Variants in PRELID2 observed in about 807,000 individuals in gnomAD.
PRELID2 encodes the protein PRELI domain-containing protein 2.
Under a neutral mutation model 28.4 loss-of-function variants are expected in PRELID2, and 25 were observed. That is an observed-to-expected ratio of 0.88 (90% CI 0.64 to 1.23). PRELID2 has a LOEUF of 1.23. Among genes scored for constraint, PRELID2 ranks in the 50% most tolerant of loss-of-function variants. The probability of loss-of-function intolerance (pLI) is 0.00; values close to 1 mark genes in which losing one functional copy is unlikely to be tolerated. For synonymous variants in PRELID2, 76 were observed against 71.6 expected, an observed-to-expected ratio of 1.06 and a Z score of -0.31; for missense variants, 201 against 214.4, an observed-to-expected ratio of 0.94 and a Z score of 0.39.
At chr5:145,525,081 AT>A (rs1177079371) in intron 1 of PRELID2, among the ~76,000 whole-genome samples, 2 of 152,204 alleles carry the variant, frequency 1.3e-5, no homozygotes, top group Non-Finnish European at 2.9e-5. Flanking sequence ...ATTCTATGCC[AT>A]TGGGCTGTGT....
chr5:145,807,550 G>A (rs976933996), intron 4 of PRELID2, among the ~76,000 whole-genome samples: 2 of 151,738 alleles, frequency 1.3e-5, no homozygotes, highest in Non-Finnish European at 2.9e-5. Flanking sequence ...CAGAGTCAAA[G>A]AGCACATAAA....
At chr5:145,728,557 C>T (rs1756243101) in intron 1 of PRELID2, 3 of 823,344 alleles carry the variant, frequency 3.6e-6, no homozygotes, top group Non-Finnish European at 6.3e-6. Flanking sequence ...TCCTCAATTT[C>T]CTGGAATGAA....
chr5:145,449,270 A>C, the PRELID2 span, among the ~76,000 whole-genome samples: 1 of 152,112 alleles, frequency 6.6e-6, no homozygotes, highest in Non-Finnish European at 1.5e-5. Context: ...CTCAGGTCAT[A>C]AACGGACTTA....
At chr5:145,675,261 A>AATGT (rs1754791215) in intron 1 of PRELID2, among the ~76,000 whole-genome samples, 1 of 152,196 alleles carries the variant, frequency 6.6e-6, no homozygotes, top group Non-Finnish European at 1.5e-5. Context: ...ACCAAAAAGT[A>AATGT]ATGTAAATGG....
intron 4 of PRELID2, among the ~76,000 whole-genome samples, chr5:145,813,998 G>A (rs1398371760): frequency 6.6e-6 from 1 of 152,124 alleles, no homozygotes; most frequent in South Asian, 2.1e-4. Flanking sequence ...TTTCAATGAG[G>A]AACAGACCAA....
intron 5 of PRELID2, among the ~76,000 whole-genome samples, chr5:145,772,489 G>C (rs1479845712): frequency 6.6e-6 from 1 of 152,242 alleles, no homozygotes; most frequent in African/African-American, 2.4e-5. Flanking sequence ...GGAAGTCTAA[G>C]ATTGAGGGAG....
chr5:145,596,120 G>A (rs978280609), intron 1 of PRELID2, among the ~76,000 whole-genome samples: 79 of 116,556 alleles, frequency 6.8e-4, no homozygotes, highest in African/African-American at 1.5e-3. Flanking sequence ...AAAAAAAAAA[G>A]TCTGTTTAGG....
chr5:145,305,863 C>T, the PRELID2 span, among the ~76,000 whole-genome samples: 1 of 152,206 alleles, frequency 6.6e-6, no homozygotes, highest in Non-Finnish European at 1.5e-5. Flanking sequence ...CCCCACATCT[C>T]TTACCCTGTG....
intron 1 of PRELID2, among the ~76,000 whole-genome samples, chr5:145,729,514 T>G (rs558955133): frequency 2.0e-5 from 3 of 151,948 alleles, no homozygotes; most frequent in Non-Finnish European, 2.9e-5. Flanking sequence ...CCTCTGGGTC[T>G]TACACCCCAT....
intron 1 of PRELID2, among the ~76,000 whole-genome samples, chr5:145,590,378 A>G (rs923053887): frequency 6.6e-6 from 1 of 152,144 alleles, no homozygotes; most frequent in African/African-American, 2.4e-5. Flanking sequence ...ATTTATTACA[A>G]TCTAACATTT....
At chr5:145,459,903 G>A in the PRELID2 span, among the ~76,000 whole-genome samples, 33 of 150,988 alleles carry the variant, frequency 2.2e-4, no homozygotes, top group African/African-American at 5.1e-4. Flanking sequence ...TCCAACTCCC[G>A]GGTTCAAGCA....
At chr5:145,377,034 T>C in the PRELID2 span, among the ~76,000 whole-genome samples, 1 of 152,168 alleles carries the variant, frequency 6.6e-6, no homozygotes, top group African/African-American at 2.4e-5. Flanking sequence ...GTGCTATAAA[T>C]TTCCCTCTTA....
chr5:145,458,119 T>G, the PRELID2 span, among the ~76,000 whole-genome samples: 1 of 152,210 alleles, frequency 6.6e-6, no homozygotes, highest in Non-Finnish European at 1.5e-5. Flanking sequence ...CAATTATGCA[T>G]TAGTTCAAAG....
At chr5:145,801,212 G>A (rs1753118857) in intron 4 of PRELID2, among the ~76,000 whole-genome samples, 1 of 152,142 alleles carries the variant, frequency 6.6e-6, no homozygotes. Context: ...AATAAATAAA[G>A]CATTTTATAA....
At chr5:145,229,506 G>T in the PRELID2 span, 1 of 1,209,114 alleles carries the variant, frequency 8.3e-7, no homozygotes, top group South Asian at 1.2e-5. Flanking sequence ...TTCAAAAAAG[G>T]AGTCCCCGTG....
intron 5 of PRELID2, among the ~76,000 whole-genome samples, chr5:145,777,271 T>C (rs1758469457): frequency 6.6e-6 from 1 of 152,196 alleles, no homozygotes; most frequent in Non-Finnish European, 1.5e-5. Context: ...AGTTCAATTG[T>C]AGCTCACTGA....
At chr5:145,560,532 T>C (rs1319671986) in intron 1 of PRELID2, among the ~76,000 whole-genome samples, 1 of 152,186 alleles carries the variant, frequency 6.6e-6, no homozygotes, top group Non-Finnish European at 1.5e-5. Flanking sequence ...CTGAGAGGCT[T>C]TTAACAGCTT....
the PRELID2 span, among the ~76,000 whole-genome samples, chr5:145,455,347 G>T: frequency 8.7e-4 from 132 of 152,160 alleles, no homozygotes; most frequent in African/African-American, 3.0e-3. Flanking sequence ...TGCTGTTTTG[G>T]TTACTGTAGC....
the PRELID2 span, among the ~76,000 whole-genome samples, chr5:145,457,328 C>T: frequency 7.2e-5 from 11 of 152,056 alleles, no homozygotes; most frequent in Non-Finnish European, 1.2e-4. Flanking sequence ...AGCAAAGATC[C>T]TTGAACCATC....
Sources: gnomAD v4.1 joint callset for allele counts (sites outside exome capture counted in the v4.1 genomes callset) on GRCh38, gnomAD v4.1.1 for gene constraint, MANE v1.5 for transcripts, NCBI Gene and HGNC (gene_info 2026-07-23, HGNC 2026-07-21) for gene names.